Variants in GAL3ST2 observed in about 807,000 individuals in gnomAD.
The protein encoded by GAL3ST2 is beta-galactose-3-O-sulfotransferase 2.
A neutral mutation model predicts 12.9 loss-of-function variants in GAL3ST2; 16 were observed. That is an observed-to-expected ratio of 1.24 (90% CI 0.84 to 1.88). The LOEUF is 1.88. Among genes scored for constraint, GAL3ST2 ranks in the 40% most tolerant of loss-of-function variants. The pLI is 0.00. For synonymous variants in GAL3ST2, 302 were observed against 273.9 expected (o/e 1.10, Z -1.01); for missense variants, 639 against 571.8 (o/e 1.12, Z -1.20).
rs201401037 is a variant in GAL3ST2, at chr2:241,803,296, C to T, written c.376-49C>T. 9 of 1,498,008 alleles carry T rather than the reference C, an allele frequency of 6.0e-6. No individual in the cohort carries two copies. The African/African-American group carries it at 6.9e-5, about 11-fold the overall frequency. The allele number at this position is 1,498,008 out of a possible 1,614,324, so 92.8% of individuals were successfully genotyped here. On this transcript the variant is annotated intron_variant, in intron 3 of 3. Transcript: ENST00000192314. The stretch of plus-strand genomic sequence containing the variant: ...GCGCCTCCTCCCCGCGGGTGGGCCA[C>T]CCTGGCCTGGGCCCGCGGTCCGCAG...
Position 241,802,516 on chromosome 2 carries a change from CTG to C in GAL3ST2, c.375+483_375+484del, listed in dbSNP as rs3029287. ...GTGTTTTAGGGTCACCCTGAGCGCT[CTG>C]TGGAGAATGGCCAGCAGAGGCTAGG... On this transcript the variant is annotated intron_variant, in intron 3 of 3. Coordinates refer to ENST00000192314, the MANE Select transcript of GAL3ST2 (RefSeq NM_022134.3). The surrounding 1 kb of genome is among the most constrained non-coding windows in gnomAD (Gnocchi z 4.8). Among the ~76,000 whole-genome samples the C allele has an allele frequency of 6.4e-3, 969 of 151,880 alleles. 7 individuals are homozygous for C. The highest frequency in any genetic ancestry group is 0.022 in the South Asian group (107 of 4,796).
chr2:241,788,208 C>T (rs950398219), intron 1 of GAL3ST2, among the ~76,000 whole-genome samples: 2 of 152,140 alleles, frequency 1.3e-5, no homozygotes, highest in Non-Finnish European at 2.9e-5. Context: ...TGGGCAGGTT[C>T]TTCTTAGGTC....
intron 1 of GAL3ST2, among the ~76,000 whole-genome samples, chr2:241,778,136 G>A (rs1699517663): frequency 6.6e-6 from 1 of 152,220 alleles, no homozygotes. Context: ...GAAGCCCCGA[G>A]TCACTTCCCC....
Position 241,793,346 on chromosome 2 carries a change from GTA to G in GAL3ST2, c.30-5717_30-5716del, listed in dbSNP as rs1339218626. 1.3e-5 allele frequency among the ~76,000 whole-genome samples: 2 copies of G among 151,594 alleles called. No individual in the cohort carries two copies. The highest frequency in any genetic ancestry group is 2.9e-5 in the Non-Finnish European group (2 of 68,012). On this transcript the variant is annotated intron_variant, in intron 1 of 3. Transcript: ENST00000192314. This position sits in a 1 kb window ranked among gnomAD's most constrained non-coding sequence, Gnocchi z 4.7. ...TGTGTGTATGTGTATGTATCTGTAT[GTA>G]TGTGTGTGTATTGTGTGTGTATGTA...
At chr2:241,786,912 C>G (rs755103053) in intron 1 of GAL3ST2, among the ~76,000 whole-genome samples, 2 of 152,196 alleles carry the variant, frequency 1.3e-5, no homozygotes, top group Non-Finnish European at 2.9e-5. Context: ...AAATGTCAAA[C>G]TGGGAACTGC....
Position 241,795,965 on chromosome 2 carries a change from TG to T in GAL3ST2, c.30-3098del, listed in dbSNP as rs1309185970. 6.6e-6 allele frequency among the ~76,000 whole-genome samples: 1 copy of T among 152,150 alleles called. No individual in the cohort carries two copies. The highest frequency in any genetic ancestry group is 2.4e-5 in the African/African-American group (1 of 41,432). ...GTAGAGTGCAGGTGAAGGGAGGGCC[TG>T]GAAGCTCCTGTCCCGTCTCCTAGAA... On this transcript the variant is annotated intron_variant, in intron 1 of 3. Transcript: ENST00000192314. This position sits in a 1 kb window ranked among gnomAD's most constrained non-coding sequence, Gnocchi z 4.5.
rs1699733045 is a variant in GAL3ST2 at position 241,793,664 on chromosome 2, GTGTA to G, written c.30-5398_30-5395del. 6.6e-6 allele frequency among the ~76,000 whole-genome samples: 1 copy of G among 151,562 alleles called. No individual in the cohort carries two copies. Among genetic ancestry groups the G allele is most frequent in the Non-Finnish European group, 1.5e-5 (1 of 67,936 alleles). ...GTACATATTGTGTATGCATATGTGTGTGTATGCACATATTGTGTATGTGTGTGTA... is the reference window on the plus strand; with the variant it reads ...GTACATATTGTGTATGCATATGTGTGTGCACATATTGTGTATGTGTGTGTA... On this transcript the variant is annotated intron_variant, in intron 1 of 3. Coordinates refer to ENST00000192314, the MANE Select transcript of GAL3ST2 (RefSeq NM_022134.3). This position sits in a 1 kb window ranked among gnomAD's most constrained non-coding sequence, Gnocchi z 4.7.
At chr2:241,779,773 A>G (rs1280781627) in intron 1 of GAL3ST2, among the ~76,000 whole-genome samples, 2 of 150,754 alleles carry the variant, frequency 1.3e-5, no homozygotes, top group South Asian at 2.1e-4. Flanking sequence ...ATCACCTGAG[A>G]TCAGGAGTTT....
At position 241,799,085 on chromosome 2, in the gene GAL3ST2, T is replaced by A. The variant is rs757856261; in HGVS notation, c.50T>A (p.Leu17His). 79 of 1,613,346 alleles carry A rather than the reference T, an allele frequency of 4.9e-5. No individual in the cohort carries two copies. In the East Asian group the frequency reaches 1.7e-3, roughly 35 times the overall value. The change falls in exon 2 of 4, where the codon CTC becomes CAC. Residue 17 changes from leucine (L) to histidine (H), a missense_variant. By Grantham distance (99) the Leu-to-His change is moderately conservative. Transcript: ENST00000192314. ...GLQRYFRVIL[L>H]LLLALTLLLL... Reference sequence around the variant, plus strand: ...CACAGATACTTCCGGGTCATCCTCCTCCTCCTCCTGGCCCTGACTCTGCTC... The same window carrying A: ...CACAGATACTTCCGGGTCATCCTCCACCTCCTCCTGGCCCTGACTCTGCTC...
intron 1 of GAL3ST2, among the ~76,000 whole-genome samples, chr2:241,778,719 G>A (rs1287290442): frequency 1.3e-5 from 2 of 152,122 alleles, no homozygotes; most frequent in African/African-American, 4.8e-5. Flanking sequence ...AGGTGGTCAG[G>A]GCACAGTCTG....
rs575136937 is a variant in GAL3ST2, at chr2:241,802,761, T to C, written c.376-584T>C. Among the ~76,000 whole-genome samples the C allele has an allele frequency of 1.8e-3, 270 of 152,190 alleles. 1 individual carries two copies. Among genetic ancestry groups the C allele is most frequent in the African/African-American group, 6.3e-3 (261 of 41,516 alleles). On this transcript the variant is annotated intron_variant, in intron 3 of 3. Transcript: ENST00000192314. The surrounding 1 kb of genome is among the most constrained non-coding windows in gnomAD (Gnocchi z 4.8). ...AGCAGGCGGTGTAGTTGGGCGTGAC[T>C]TTCTGCAAGACTTTACTTTCTGTGG...
intron 3 of GAL3ST2, 133 bp from the exon 4 acceptor site, chr2:241,803,212 C>T: frequency 2.8e-6 from 2 of 716,818 alleles, no homozygotes; most frequent in East Asian, 2.8e-5. Flanking sequence ...AGGCGCCAGG[C>T]CCAGGTTCCT....
chr2:241,804,191 T>TCCTGCGGACA lies in GAL3ST2; in HGVS notation c.*28_*37dup. 3 of 1,385,964 alleles carry TCCTGCGGACA rather than the reference T, an allele frequency of 2.2e-6. No individual in the cohort carries two copies. Among genetic ancestry groups the TCCTGCGGACA allele is most frequent in the Non-Finnish European group, 2.8e-6 (3 of 1,061,658 alleles). The allele number at this position is 1,385,964 out of a possible 1,614,324, so 85.9% of individuals were successfully genotyped here. On this transcript the variant is annotated 3_prime_UTR_variant, in exon 4 of 4. Coordinates refer to ENST00000192314, the MANE Select transcript of GAL3ST2 (RefSeq NM_022134.3). ...GAGGGGCCGGGCCGGGGACGAGGCC[T>TCCTGCGGACA]CCTGCGGACACCAGCTCCTCTCTCC...
Position 241,804,062 on chromosome 2 carries a change from G to A in GAL3ST2, c.1093G>A (p.Val365Met). ...RPGLDNQTLG[V>M]CQRLVMPELQ... is the part of the protein sequence containing the mutation. ...GGGCCTGGACAACCAGACGCTGGGC[G>A]TGTGCCAGAGGCTTGTGATGCCTGA... The change falls in exon 4 of 4, where the codon GTG becomes ATG. Residue 365 changes from valine to methionine, a missense_variant. By Grantham distance (21) the Val-to-Met change is conservative. Transcript: ENST00000192314. The A allele has an allele frequency of 6.4e-7, 1 of 1,553,764 alleles. No individual in the cohort carries two copies. The highest frequency in any genetic ancestry group is 1.2e-5 in the South Asian group (1 of 83,418).
chr2:241,786,139 T>TTGTGTGTGTGTG (rs141438054), intron 1 of GAL3ST2, among the ~76,000 whole-genome samples: 298 of 145,944 alleles, frequency 2.0e-3, no homozygotes, highest in African/African-American at 7.0e-3. Context: ...CACACACCTT[T>TTGTGTGTGTGTG]TGTGTGTGTG....
At position 241,801,716 on chromosome 2, in the gene GAL3ST2, C is replaced by T. The variant is rs1406238135; in HGVS notation, c.120-65C>T. On this transcript the variant is annotated intron_variant, in intron 2 of 3. Coordinates refer to ENST00000192314, the MANE Select transcript of GAL3ST2 (RefSeq NM_022134.3). The surrounding 1 kb of genome is among the most constrained non-coding windows in gnomAD (Gnocchi z 4.4). ...TCCTTGCGGTTGCCGGGCTGGGGGT[C>T]GCTGTTGGGCGGGGGTTGGGGCATC... The T allele has an allele frequency of 1.2e-5, 19 of 1,545,128 alleles. No individual in the cohort carries two copies. Among genetic ancestry groups the T allele is most frequent in the Admixed American group, 1.8e-5 (1 of 55,528 alleles).
chr2:241,778,349 G>A (rs1422391552), intron 1 of GAL3ST2, among the ~76,000 whole-genome samples: 5 of 152,262 alleles, frequency 3.3e-5, no homozygotes, highest in Admixed American at 6.5e-5. Flanking sequence ...ACAGAGGAGA[G>A]ACTTTGCCTG....
In GAL3ST2 at chr2:241,793,148, T is replaced by C. The variant is rs1241942711; in HGVS notation, c.30-5917T>C. On this transcript the variant is annotated intron_variant, in intron 1 of 3. Transcript: ENST00000192314. This position sits in a 1 kb window ranked among gnomAD's most constrained non-coding sequence, Gnocchi z 4.7. The stretch of plus-strand genomic sequence containing the variant: ...ATCAGGACCTCCTGAGGCTGGGTCA[T>C]GGGTGCGCGTCCTCACCCTTGGCAA... Among the ~76,000 whole-genome samples, 2 of 152,250 alleles carry C rather than the reference T, an allele frequency of 1.3e-5. No individual in the cohort carries two copies. The highest frequency in any genetic ancestry group is 1.3e-4 in the Admixed American group (2 of 15,290).
In GAL3ST2 at chr2:241,793,706, C is replaced by T. The variant is rs192514526; in HGVS notation, c.30-5359C>T. On this transcript the variant is annotated intron_variant, in intron 1 of 3. Transcript: ENST00000192314. This position sits in a 1 kb window ranked among gnomAD's most constrained non-coding sequence, Gnocchi z 4.7. Reference sequence around the variant, plus strand: ...GTATGTGTGTGTATATGTGTATGTACGTATTGTGTATGCATGTGTGTATGT... The same window carrying T: ...GTATGTGTGTGTATATGTGTATGTATGTATTGTGTATGCATGTGTGTATGT... Among the ~76,000 whole-genome samples the T allele has an allele frequency of 1.1e-4, 16 of 145,546 alleles. No homozygotes were observed. The East Asian group carries it at 3.1e-3, about 28-fold the overall frequency.
Sources: gnomAD v4.1 joint callset for allele counts (sites outside exome capture counted in the v4.1 genomes callset) on GRCh38, gnomAD v4.1.1 for gene constraint, Gnocchi (gnomAD v3.1) non-coding constraint, MANE v1.5 for transcripts, NCBI Gene and HGNC (gene_info 2026-07-23, HGNC 2026-07-21) for gene names.